The following BCKDHB variants were observed in gnomAD, a reference collection of about 807,000 sequenced individuals.
BCKDHB encodes branched chain keto acid dehydrogenase E1 subunit beta.
Under a neutral mutation model 48.5 loss-of-function variants are expected in BCKDHB, and 41 were observed. The observed-to-expected ratio is 0.85, with a 90% CI of 0.66 to 1.10. BCKDHB has a LOEUF of 1.10. Ranked by LOEUF, BCKDHB falls within the 50% of genes least tolerant of loss-of-function variation. The pLI is 0.00. For missense variants in BCKDHB, 496 were observed against 494.2 expected (o/e 1.00, Z -0.03); for synonymous variants, 201 against 174.8 (o/e 1.15, Z -1.18).
At chr6:80,135,295 A>G (rs1220918979) in intron 3 of BCKDHB, among the ~76,000 whole-genome samples, 1 of 152,052 alleles carries the variant, frequency 6.6e-6, no homozygotes, top group African/African-American at 2.4e-5. Context: ...AACTAATTTT[A>G]TGGAAGAAAA....
At chr6:80,119,381 T>C (rs1174195994) in intron 1 of BCKDHB, among the ~76,000 whole-genome samples, 2 of 152,110 alleles carry the variant, frequency 1.3e-5, no homozygotes, top group Non-Finnish European at 2.9e-5. Context: ...TGCAGTGGCA[T>C]AATCTTGGCT....
chr6:80,211,289 T>G (rs1774922002), intron 8 of BCKDHB, among the ~76,000 whole-genome samples: 7 of 152,202 alleles, frequency 4.6e-5, no homozygotes, highest in Admixed American at 4.6e-4. Context: ...GAATTTGCCT[T>G]TATACCGTAC....
At chr6:80,436,240 G>C in the BCKDHB span, among the ~76,000 whole-genome samples, 5 of 126,962 alleles carry the variant, frequency 3.9e-5, no homozygotes, top group Admixed American at 1.1e-4. Flanking sequence ...CTCACTGCAA[G>C]CTCTGCCCCC....
At chr6:80,347,739 C>G (rs1562245105), downstream of BCKDHB, among the ~76,000 whole-genome samples, 1 of 152,124 alleles carries the variant, frequency 6.6e-6, no homozygotes, top group Non-Finnish European at 1.5e-5. Context: ...CCCTGCAGTC[C>G]CCACAAGTAA....
At chr6:80,259,831 G>A (rs1164359899) in intron 8 of BCKDHB, among the ~76,000 whole-genome samples, 2 of 152,148 alleles carry the variant, frequency 1.3e-5, no homozygotes, top group Non-Finnish European at 2.9e-5. Context: ...TTTGAATGTA[G>A]TTAAGATGCA....
At chr6:80,136,451 C>A (rs904991300) in intron 3 of BCKDHB, among the ~76,000 whole-genome samples, 1 of 151,954 alleles carries the variant, frequency 6.6e-6, no homozygotes, top group African/African-American at 2.4e-5. Context: ...ACACCATATA[C>A]AAAAATGAAC....
At chr6:80,304,900 T>C (rs916299446) in intron 9 of BCKDHB, among the ~76,000 whole-genome samples, 7 of 152,132 alleles carry the variant, frequency 4.6e-5, no homozygotes, top group African/African-American at 1.7e-4. Flanking sequence ...AAACTTCCTT[T>C]ACCTGATAAA....
intron 9 of BCKDHB, among the ~76,000 whole-genome samples, chr6:80,325,483 C>T (rs1461469166): frequency 6.6e-6 from 1 of 152,120 alleles, no homozygotes; most frequent in African/African-American, 2.4e-5. Context: ...AAGCCTCCTG[C>T]AAAATGACAT....
chr6:80,183,806 T>C lies in BCKDHB; in HGVS notation c.742+12416T>C, dbSNP rs1773521259. 2.6e-5 allele frequency among the ~76,000 whole-genome samples: 4 copies of C among 152,174 alleles called. No individual in the cohort carries two copies. The South Asian group carries it at 8.3e-4, about 32-fold the overall frequency. On this transcript the variant is annotated intron_variant, in intron 6 of 9. Coordinates refer to ENST00000320393, the MANE Select transcript of BCKDHB (RefSeq NM_183050.4). ...GCTTTATTGTATCCATAGTTTTATC[T>C]TTTCCAGAATGTCATATAATTGGAA...
the BCKDHB span, among the ~76,000 whole-genome samples, chr6:80,427,726 A>G: frequency 1.3e-5 from 2 of 152,112 alleles, no homozygotes; most frequent in African/African-American, 4.8e-5. Flanking sequence ...ATAATTTTAC[A>G]TACTATAGAA....
At chr6:80,342,329 T>G (rs1769947373) in intron 9 of BCKDHB, among the ~76,000 whole-genome samples, 2 of 151,452 alleles carry the variant, frequency 1.3e-5, no homozygotes, top group Admixed American at 6.6e-5. Context: ...AATATGAAGG[T>G]TTTATTTTAA....
At chr6:80,450,943 A>C in the BCKDHB span, among the ~76,000 whole-genome samples, 4 of 152,218 alleles carry the variant, frequency 2.6e-5, no homozygotes, top group African/African-American at 9.6e-5. Flanking sequence ...TACAGTCAAA[A>C]GAGAATTTGT....
intron 6 of BCKDHB, among the ~76,000 whole-genome samples, chr6:80,196,268 T>C (rs1774123947): frequency 6.6e-6 from 1 of 152,212 alleles, no homozygotes; most frequent in Non-Finnish European, 1.5e-5. Context: ...TGTAGATGTA[T>C]ACACAAGCAT....
chr6:80,464,329 A>G, the BCKDHB span, among the ~76,000 whole-genome samples: 3,845 of 151,980 alleles, frequency 0.025, 123 homozygotes, highest in African/African-American at 0.077. Context: ...GGGTTTCACC[A>G]TATTTGTCAG....
chr6:80,374,073 T>C, the BCKDHB span: 296,045 of 685,168 alleles, frequency 0.43, 68,593 homozygotes, highest in Admixed American at 0.65. Context: ...CTTTTTCTTC[T>C]GGGCAACTTC....
the BCKDHB span, chr6:80,465,679 A>T: frequency 1.3e-5 from 2 of 152,196 alleles, no homozygotes; most frequent in Non-Finnish European, 2.9e-5. Context: ...TGGTGAGGAT[A>T]CTCTCTGGCA....
intron 9 of BCKDHB, among the ~76,000 whole-genome samples, chr6:80,329,576 T>C (rs1769216330): frequency 6.6e-6 from 1 of 152,200 alleles, no homozygotes; most frequent in Non-Finnish European, 1.5e-5. Flanking sequence ...GGTTGTCCCC[T>C]GCTTCCTACT....
In BCKDHB at chr6:80,308,828, C is replaced by T. The variant is rs188517902; in HGVS notation, c.1039-34836C>T. Among the ~76,000 whole-genome samples the T allele has an allele frequency of 2.3e-4, 35 of 151,964 alleles. 1 individual carries two copies. The highest frequency in any genetic ancestry group is 1.6e-3 in the Admixed American group (25 of 15,258). ...CGATCTCCTGATCTCGTCATCTGCC[C>T]GCCTTGGCCTCCCAAAGAGCTGGGT... On this transcript the variant is annotated intron_variant, in intron 9 of 9. Coordinates refer to ENST00000320393, the MANE Select transcript of BCKDHB (RefSeq NM_183050.4).
At chr6:80,252,751 A>G (rs578095308) in intron 8 of BCKDHB, among the ~76,000 whole-genome samples, 2 of 152,348 alleles carry the variant, frequency 1.3e-5, no homozygotes, top group South Asian at 4.1e-4. Flanking sequence ...TAAATCTGAT[A>G]CTATCTTACT....
Sources: gnomAD v4.1 joint callset for allele counts (sites outside exome capture counted in the v4.1 genomes callset) on GRCh38, gnomAD v4.1.1 for gene constraint, MANE v1.5 for transcripts, NCBI Gene and HGNC (gene_info 2026-07-23, HGNC 2026-07-21) for gene names.